Variants in EYS observed in about 807,000 individuals in gnomAD.
EYS encodes the protein EGF-like photoreceptor maintenance factor.
A neutral mutation model predicts 282.1 loss-of-function variants in EYS; 250 were observed. That is an observed-to-expected ratio of 0.89 (90% confidence interval 0.80 to 0.98). EYS has a LOEUF of 0.98. Ranked by LOEUF, EYS falls within the 50% of genes least tolerant of loss-of-function variation. The pLI, the probability that EYS is intolerant of heterozygous loss-of-function variation, is 0.00. For missense variants in EYS, 4,016 were observed against 3,709.0 expected (o/e 1.08, Z -2.15); for synonymous variants, 1,355 against 1,282.9 (o/e 1.06, Z -1.20).
intron 7 of EYS, among the ~76,000 whole-genome samples, chr6:65,387,022 T>C (rs1765827108): frequency 6.6e-6 from 1 of 151,800 alleles, no homozygotes; most frequent in Non-Finnish European, 1.5e-5. Context: ...AAATAAAATA[T>C]AATAGTGGAA....
intron 12 of EYS, among the ~76,000 whole-genome samples, chr6:65,068,932 C>T (rs1040657074): frequency 6.6e-6 from 1 of 151,160 alleles, no homozygotes; most frequent in South Asian, 2.1e-4. Flanking sequence ...CCTCTAATAT[C>T]TAATCTTGCT....
At chr6:65,095,293 A>G (rs1774707551) in intron 12 of EYS, among the ~76,000 whole-genome samples, 1 of 151,232 alleles carries the variant, frequency 6.6e-6, no homozygotes, top group South Asian at 2.1e-4. Flanking sequence ...CAAAGGACAC[A>G]AAATTTCAGT....
intron 12 of EYS, among the ~76,000 whole-genome samples, chr6:65,220,171 A>C (rs980071134): frequency 6.6e-6 from 1 of 152,100 alleles, no homozygotes; most frequent in Non-Finnish European, 1.5e-5. Context: ...TATTGTTTAC[A>C]TCAAAAAGAC....
At chr6:63,906,913 A>G (rs1773792612) in intron 35 of EYS, among the ~76,000 whole-genome samples, 1 of 151,998 alleles carries the variant, frequency 6.6e-6, no homozygotes, top group Non-Finnish European at 1.5e-5. Flanking sequence ...AAAAAACCTA[A>G]AAAAAGGACC....
intron 19 of EYS, among the ~76,000 whole-genome samples, chr6:64,873,943 C>T (rs1053889313): frequency 1.3e-5 from 2 of 151,922 alleles, no homozygotes; most frequent in Admixed American, 1.3e-4. Context: ...GTCTTCAAAG[C>T]TCTTTGCTTT....
At chr6:65,327,771 T>C (rs1769665002) in intron 11 of EYS, among the ~76,000 whole-genome samples, 2 of 151,574 alleles carry the variant, frequency 1.3e-5, no homozygotes, top group South Asian at 4.1e-4. Flanking sequence ...AACTAGAAGA[T>C]ACATTGAAGT....
At chr6:63,811,782 A>T (rs1031981242) in intron 36 of EYS, among the ~76,000 whole-genome samples, 1 of 152,116 alleles carries the variant, frequency 6.6e-6, no homozygotes, top group Non-Finnish European at 1.5e-5. Context: ...TTGCAATCAA[A>T]TCTGTTTCCC....
rs552006768 is a variant in EYS at position 63,999,474 on chromosome 6, T to C, written c.6726-291A>G. The stretch of plus-strand genomic sequence containing the variant: ...ATAAAAAGAGCTTCATGTGTATAAG[T>C]AGATATTGACAAATTTTAAGTGCTA... On this transcript the variant is annotated intron_variant, in intron 33 of 42. Transcript: ENST00000503581. 1.3e-3 allele frequency among the ~76,000 whole-genome samples: 193 copies of C among 152,060 alleles called. 1 individual carries two copies. Among genetic ancestry groups the C allele is most frequent in the Non-Finnish European group, 2.3e-3 (153 of 67,854 alleles).
intron 5 of EYS, among the ~76,000 whole-genome samples, chr6:65,463,326 C>G (rs907009316): frequency 2.0e-5 from 3 of 152,048 alleles, no homozygotes; most frequent in Non-Finnish European, 4.4e-5. Flanking sequence ...TGCCTGACAC[C>G]CCCAAATATT....
At chr6:63,857,614 G>A (rs545652058) in intron 36 of EYS, 18 of 423,556 alleles carry the variant, frequency 4.2e-5, no homozygotes, top group Non-Finnish European at 8.3e-5. Flanking sequence ...TGGGGTCCAC[G>A]TGTGCTCAGT....
At chr6:64,270,467 G>A (rs1016395140) in intron 30 of EYS, among the ~76,000 whole-genome samples, 3 of 152,066 alleles carry the variant, frequency 2.0e-5, no homozygotes, top group East Asian at 1.9e-4. Flanking sequence ...AAGCACCTAC[G>A]TCTAATCTAA....
chr6:64,331,605 G>A (rs1016034905), intron 29 of EYS, among the ~76,000 whole-genome samples: 15 of 108,524 alleles, frequency 1.4e-4, no homozygotes, highest in Middle Eastern at 5.2e-3. Context: ...CCCCCCGCCC[G>A]CCCAGTTCAT....
At chr6:63,856,279 A>G (rs1440749813) in intron 36 of EYS, among the ~76,000 whole-genome samples, 1 of 152,198 alleles carries the variant, frequency 6.6e-6, no homozygotes, top group Non-Finnish European at 1.5e-5. Context: ...TGCAAGACCA[A>G]TTTGCCATAA....
At chr6:64,027,485 C>A (rs565985680) in intron 33 of EYS, among the ~76,000 whole-genome samples, 58 of 152,248 alleles carry the variant, frequency 3.8e-4, no homozygotes, top group African/African-American at 1.4e-3. Context: ...CTAAACCTGG[C>A]AACCTCGGTG....
At chr6:64,321,262 T>A (rs1770210277) in intron 29 of EYS, among the ~76,000 whole-genome samples, 1 of 151,750 alleles carries the variant, frequency 6.6e-6, no homozygotes, top group Non-Finnish European at 1.5e-5. Flanking sequence ...ATGTTTAAAA[T>A]TTACTTTATT....
At chr6:65,282,580 A>G (rs1768254038) in intron 12 of EYS, among the ~76,000 whole-genome samples, 1 of 152,024 alleles carries the variant, frequency 6.6e-6, no homozygotes, top group African/African-American at 2.4e-5. Context: ...ATAGAACAGA[A>G]AACTTTAACT....
intron 36 of EYS, among the ~76,000 whole-genome samples, chr6:63,844,115 C>A (rs1772035930): frequency 1.3e-5 from 2 of 152,150 alleles, no homozygotes; most frequent in African/African-American, 4.8e-5. Context: ...GTTTGGTTTT[C>A]TGTTCCTGTG....
In EYS at chr6:64,511,065, A is replaced by G. The variant is rs185305839; in HGVS notation, c.5645-71713T>C. 1.6e-3 allele frequency among the ~76,000 whole-genome samples: 246 copies of G among 151,956 alleles called. 2 individuals carry two copies. Among genetic ancestry groups the G allele is most frequent in the African/African-American group, 5.8e-3 (239 of 41,476 alleles). ...ATGGGAGAAATTGGTGGTTGATTTCAAAGATCTGAACTATATTATATAGTA... is the reference window on the plus strand; with the variant it reads ...ATGGGAGAAATTGGTGGTTGATTTCGAAGATCTGAACTATATTATATAGTA... On this transcript the variant is annotated intron_variant, in intron 26 of 42. Coordinates refer to ENST00000503581, the MANE Select transcript of EYS (RefSeq NM_001142800.2).
At chr6:65,053,382 A>C in intron 13 of EYS, among the ~76,000 whole-genome samples, 1 of 151,842 alleles carries the variant, frequency 6.6e-6, no homozygotes, top group East Asian at 1.9e-4. Flanking sequence ...TAAACTCATA[A>C]AGTTATGTAT....
Sources: allele counts gnomAD v4.1 joint callset (sites outside exome capture counted in the v4.1 genomes callset), GRCh38; gene constraint gnomAD v4.1.1; transcripts MANE v1.5; gene names NCBI Gene and HGNC (gene_info 2026-07-23, HGNC 2026-07-21).